FIRRM: variants seen among roughly 807,000 people sequenced by gnomAD.
FIRRM encodes the protein FIGNL1-interacting regulator of recombination and mitosis.
the FIRRM span, chr1:169,795,070 G>C: frequency 6.6e-7 from 1 of 1,504,844 alleles, no homozygotes; most frequent in Non-Finnish European, 8.9e-7. Flanking sequence ...GCTTTGGCGG[G>C]TCTGGTTTGA....
the FIRRM span, chr1:169,827,023 A>T: frequency 6.2e-7 from 1 of 1,604,820 alleles, no homozygotes; most frequent in Non-Finnish European, 8.5e-7. Flanking sequence ...GCTATTAATG[A>T]ATGAGTTTTT....
chr1:169,797,808 C>T, the FIRRM span, among the ~76,000 whole-genome samples: 7 of 152,186 alleles, frequency 4.6e-5, no homozygotes, highest in Non-Finnish European at 1.0e-4. Flanking sequence ...TCCCAAAGTG[C>T]TGGGACTACA....
chr1:169,801,778 A>G, the FIRRM span, among the ~76,000 whole-genome samples: 29 of 152,316 alleles, frequency 1.9e-4, 1 homozygote, highest in Admixed American at 9.2e-4. Flanking sequence ...CTTTGGTGCC[A>G]AAATGAAACA....
At chr1:169,799,032 T>C in the FIRRM span, 1 of 554,908 alleles carries the variant, frequency 1.8e-6, no homozygotes, top group South Asian at 2.8e-5. Flanking sequence ...TCGGTAGATG[T>C]GTTCTTACAG....
the FIRRM span, among the ~76,000 whole-genome samples, chr1:169,831,253 TTCA>T: frequency 2.0e-5 from 3 of 152,348 alleles, no homozygotes; most frequent in Admixed American, 1.3e-4. Flanking sequence ...TTATAATGAT[TTCA>T]TCATCTTAAC....
At chr1:169,798,865 T>A in the FIRRM span, 1 of 1,072,226 alleles carries the variant, frequency 9.3e-7, no homozygotes, top group Non-Finnish European at 1.3e-6. Context: ...AGGTTTGTTC[T>A]GAGTAATGAA....
chr1:169,820,329 C>T, the FIRRM span, among the ~76,000 whole-genome samples: 1 of 152,116 alleles, frequency 6.6e-6, no homozygotes, highest in Non-Finnish European at 1.5e-5. Flanking sequence ...GTGAAGGGAC[C>T]TTTTTCAGCA....
the FIRRM span, chr1:169,853,981 T>TA: frequency 1.6e-5 from 10 of 623,032 alleles, no homozygotes; most frequent in Non-Finnish European, 2.5e-5. Context: ...TCAAAAACCA[T>TA]AAAATCCAGT....
At chr1:169,798,236 A>C in the FIRRM span, among the ~76,000 whole-genome samples, 2 of 150,740 alleles carry the variant, frequency 1.3e-5, no homozygotes, top group Non-Finnish European at 2.9e-5. Flanking sequence ...AGGTGTGATC[A>C]TGTCACCGCA....
At chr1:169,795,070 G>A in the FIRRM span, 1 of 1,504,842 alleles carries the variant, frequency 6.6e-7, no homozygotes, top group East Asian at 2.5e-5. Context: ...GCTTTGGCGG[G>A]TCTGGTTTGA....
the FIRRM span, chr1:169,823,259 A>AG: frequency 2.0e-6 from 1 of 496,992 alleles, no homozygotes; most frequent in East Asian, 3.5e-5. Flanking sequence ...TCAAAAAAAA[A>AG]AAAAGAAAAG....
chr1:169,817,622 C>G, the FIRRM span, among the ~76,000 whole-genome samples: 1 of 152,152 alleles, frequency 6.6e-6, no homozygotes, highest in East Asian at 1.9e-4. Flanking sequence ...CACCTTTGCA[C>G]TAGTGTCCTA....
chr1:169,828,063 G>A, the FIRRM span, among the ~76,000 whole-genome samples: 1 of 151,908 alleles, frequency 6.6e-6, no homozygotes, highest in Non-Finnish European at 1.5e-5. Flanking sequence ...ATTTAATTTT[G>A]TTCAGTATTG....
chr1:169,828,939 C>T, the FIRRM span, among the ~76,000 whole-genome samples: 1 of 152,190 alleles, frequency 6.6e-6, no homozygotes, highest in South Asian at 2.1e-4. Context: ...TACTTATTTT[C>T]TGTTTTTCCA....
chr1:169,826,190 C>T, the FIRRM span: 96 of 179,818 alleles, frequency 5.3e-4, 2 homozygotes, highest in South Asian at 3.3e-4. Flanking sequence ...CTCCTGACTC[C>T]GCCTCCCAAG....
chr1:169,804,497 T>C, the FIRRM span: 1 of 229,974 alleles, frequency 4.3e-6, no homozygotes, highest in Non-Finnish European at 8.4e-6. Flanking sequence ...TCTGAGGTTG[T>C]CCATATTCAG....
At chr1:169,830,715 T>C in the FIRRM span, 1 of 1,613,928 alleles carries the variant, frequency 6.2e-7, no homozygotes, top group Non-Finnish European at 8.5e-7. Flanking sequence ...TGCTGAACTG[T>C]GTGCACACCA....
At chr1:169,851,705 C>T in the FIRRM span, 2 of 1,316,436 alleles carry the variant, frequency 1.5e-6, no homozygotes, top group Non-Finnish European at 1.1e-6. Flanking sequence ...ATGTGACTTC[C>T]AGAATTTGCC....
the FIRRM span, chr1:169,794,544 T>C: frequency 6.5e-6 from 1 of 154,118 alleles, no homozygotes; most frequent in Non-Finnish European, 1.5e-5. Flanking sequence ...TTGAGAATCT[T>C]CTATCTACTG....
Sources: allele counts gnomAD v4.1 joint callset (sites outside exome capture counted in the v4.1 genomes callset), GRCh38; gene constraint gnomAD v4.1.1; transcripts MANE v1.5; gene names NCBI Gene and HGNC (gene_info 2026-07-23, HGNC 2026-07-21).